TBC1D9: variants seen among roughly 807,000 people sequenced by gnomAD.
The protein encoded by TBC1D9 is TBC1 domain family member 9.
A neutral mutation model predicts 132.0 loss-of-function variants in TBC1D9; 63 were observed. The ratio of observed to expected loss-of-function variants is 0.48; its 90% confidence interval spans 0.39 to 0.59. The LOEUF (loss-of-function observed/expected upper bound fraction) is 0.59, where lower values mean the gene tolerates loss of function less well. TBC1D9 is among the 20% of genes least tolerant of loss of function. The probability of loss-of-function intolerance (pLI) is 0.00; values close to 1 mark genes in which losing one functional copy is unlikely to be tolerated. For synonymous variants in TBC1D9, 610 were observed against 609.9 expected (o/e 1.00, Z 0.00); for missense variants, 1,261 against 1,592.7 (o/e 0.79, Z 3.54).
intron 1 of TBC1D9, among the ~76,000 whole-genome samples, chr4:140,733,306 T>A (rs1441998319): frequency 2.0e-5 from 3 of 152,178 alleles, no homozygotes; most frequent in South Asian, 2.1e-4. Context: ...GATTTTTTTT[T>A]AAATGCCAAG....
intron 13 of TBC1D9, among the ~76,000 whole-genome samples, chr4:140,653,764 G>T (rs1372166326): frequency 2.0e-5 from 3 of 152,108 alleles, no homozygotes; most frequent in Non-Finnish European, 4.4e-5. Context: ...TAGTTATCAC[G>T]CACTGAAAGA....
chr4:140,622,156 CCCTCCCTCT>C lies in TBC1D9; in HGVS notation c.*30_*38del, dbSNP rs779902849. 4 of 1,514,082 alleles carry C rather than the reference CCCTCCCTCT, an allele frequency of 2.6e-6. No homozygotes were observed. In the Admixed American group the frequency reaches 8.4e-5, roughly 32 times the overall value. 93.8% of individuals were successfully genotyped at this position (1,514,082 alleles called of 1,614,324 possible). A position where few individuals can be genotyped will look rare whatever the true frequency, so the allele number is the denominator to read the frequency against. On this transcript the variant is annotated 3_prime_UTR_variant, in exon 21 of 21. Coordinates refer to ENST00000442267, the MANE Select transcript of TBC1D9 (RefSeq NM_015130.3). The stretch of plus-strand genomic sequence containing the variant: ...CACAGAAGAACATAAAAAATCCCTC[CCCTCCCTCT>C]CCTCCCACTCCCCCGGGAAGGCGCC...
At chr4:140,704,634 T>G (rs1308709083) in intron 1 of TBC1D9, among the ~76,000 whole-genome samples, 1 of 152,064 alleles carries the variant, frequency 6.6e-6, no homozygotes, top group Admixed American at 6.5e-5. Flanking sequence ...CTCAGTTTTA[T>G]CATCCTTAAT....
intron 13 of TBC1D9, among the ~76,000 whole-genome samples, chr4:140,651,644 G>A (rs1341517704): frequency 2.0e-5 from 3 of 152,112 alleles, no homozygotes; most frequent in Non-Finnish European, 4.4e-5. Flanking sequence ...CACCTTATCT[G>A]TTAGAGACAC....
At chr4:140,697,537 T>C (rs1452252228) in intron 2 of TBC1D9, among the ~76,000 whole-genome samples, 2 of 152,230 alleles carry the variant, frequency 1.3e-5, no homozygotes, top group Non-Finnish European at 2.9e-5. Flanking sequence ...TCTGGGTTTA[T>C]TATAATGAAA....
intron 2 of TBC1D9, among the ~76,000 whole-genome samples, chr4:140,691,831 C>T (rs561632983): frequency 1.2e-4 from 18 of 152,278 alleles, no homozygotes; most frequent in African/African-American, 3.4e-4. Context: ...ATGAAAAATA[C>T]GAAATCATCC....
chr4:140,633,990 C>T lies in TBC1D9; in HGVS notation c.2704G>A (p.Gly902Arg), dbSNP rs1736836821. 1.2e-6 allele frequency: 2 copies of T among 1,613,988 alleles called. No individual in the cohort carries two copies. Among genetic ancestry groups the T allele is most frequent in the Non-Finnish European group, 8.5e-7 (1 of 1,179,894 alleles). The change falls in exon 16 of 21, where the codon GGA becomes AGA. Residue 902 changes from glycine (G) to arginine (R), a missense_variant. By Grantham distance (125) the Gly-to-Arg change is moderately radical (BLOSUM62 -2). Around this residue, in one of 3 missense-constraint regions of TBC1D9, gnomAD observed 618 missense variants for 724.4 expected, o/e 0.85. Transcript: ENST00000442267. ...TCCCGGAAGTTAATCAAAGAGTCTC[C>T]ATTTTCATCTAATAACTGGAACAAG... The part of the protein sequence containing the change: ...SRLFQLLDEN[G>R]DSLINFREFV...
At position 140,679,083 on chromosome 4, in the gene TBC1D9, T is replaced by C; in HGVS notation, c.710A>G (p.Asn237Ser). Residue 237 changes from asparagine (N) to serine (S), a missense_variant, in exon 5 of 21, where the codon AAC becomes AGC. Asn to Ser is a conservative substitution (Grantham distance 46). This residue lies in a region of TBC1D9 where 550 missense variants were observed against 699.0 expected (regional missense o/e 0.79). Transcript: ENST00000442267. ...SSEHFFSVFL[N>S]INETFKLMEQ... The stretch of plus-strand genomic sequence containing the variant: ...CATTAACTTGAAGGTCTCGTTGATG[T>C]TGAGGAATACAGAGAAGAAATGCTC... The C allele has an allele frequency of 6.2e-7, 1 of 1,613,952 alleles. No individual in the cohort carries two copies. Among genetic ancestry groups the C allele is most frequent in the East Asian group, 2.2e-5 (1 of 44,886 alleles).
At chr4:140,662,955 G>A (rs1737387514) in intron 9 of TBC1D9, among the ~76,000 whole-genome samples, 1 of 152,110 alleles carries the variant, frequency 6.6e-6, no homozygotes, top group Admixed American at 6.5e-5. Flanking sequence ...AAAACTAGTA[G>A]AAGAAAATAT....
Position 140,659,708 on chromosome 4 carries a change from A to C in TBC1D9, c.1804-3T>G. 1 of 1,581,872 alleles carries C rather than the reference A, an allele frequency of 6.3e-7. No homozygotes were observed. Reference sequence around the variant, plus strand: ...ACTGAAGTGACAATATTCATGGCCTAAAAAAGTGAAAGAGGATGTCATCAA... The same window carrying C: ...ACTGAAGTGACAATATTCATGGCCTCAAAAAGTGAAAGAGGATGTCATCAA... On this transcript the variant is annotated splice_region_variant and splice_polypyrimidine_tract_variant and intron_variant, in intron 10 of 20. Coordinates refer to ENST00000442267, the MANE Select transcript of TBC1D9 (RefSeq NM_015130.3).
intron 1 of TBC1D9, 52 bp downstream of exon 1, chr4:140,755,864 G>C: frequency 6.7e-7 from 1 of 1,488,254 alleles, no homozygotes; most frequent in Non-Finnish European, 8.9e-7. Context: ...GCCGCGGGCG[G>C]CGCCGCAGCG....
At chr4:140,668,888 C>A in intron 9 of TBC1D9, 29 bp downstream of exon 9, 2 of 1,610,308 alleles carry the variant, frequency 1.2e-6, no homozygotes, top group African/African-American at 1.3e-5. Flanking sequence ...CAGACTTTGA[C>A]GCCAGCATTC....
chr4:140,680,075 A>C (rs538572168), intron 3 of TBC1D9, among the ~76,000 whole-genome samples: 2 of 152,308 alleles, frequency 1.3e-5, no homozygotes, highest in Admixed American at 6.5e-5. Context: ...TATTTTGTTA[A>C]GTTTACTAGG....
intron 1 of TBC1D9, among the ~76,000 whole-genome samples, chr4:140,722,130 G>A (rs530690056): frequency 2.8e-4 from 42 of 152,248 alleles, no homozygotes; most frequent in African/African-American, 9.9e-4. Context: ...GGAGCCTATG[G>A]GGGGTGAGAA....
At chr4:140,677,486 C>T (rs1177325894) in intron 5 of TBC1D9, among the ~76,000 whole-genome samples, 1 of 152,134 alleles carries the variant, frequency 6.6e-6, no homozygotes, top group Non-Finnish European at 1.5e-5. Flanking sequence ...AATGAGAATG[C>T]AAACCAGCCA....
At chr4:140,631,159 T>TAA (rs1287958629) in intron 16 of TBC1D9, among the ~76,000 whole-genome samples, 6 of 152,244 alleles carry the variant, frequency 3.9e-5, no homozygotes, top group African/African-American at 7.2e-5. Context: ...TTATAAACTC[T>TAA]AAGTTTCAGC....
intron 1 of TBC1D9, among the ~76,000 whole-genome samples, chr4:140,748,555 A>C (rs1289924207): frequency 6.6e-6 from 1 of 152,238 alleles, no homozygotes; most frequent in Non-Finnish European, 1.5e-5. Context: ...ACTGCAGAAG[A>C]CCAAAGTCAA....
At chr4:140,693,865 T>C (rs1737912128) in intron 2 of TBC1D9, among the ~76,000 whole-genome samples, 1 of 152,164 alleles carries the variant, frequency 6.6e-6, no homozygotes, top group African/African-American at 2.4e-5. Flanking sequence ...CTCTTATGGG[T>C]CATAATAATA....
At chr4:140,624,014 T>C in intron 20 of TBC1D9, 102 bp downstream of exon 20, 1 of 916,422 alleles carries the variant, frequency 1.1e-6, no homozygotes, top group Non-Finnish European at 1.6e-6. Flanking sequence ...CCCCAGTTAT[T>C]ATTTTTGATG....
Sources: gnomAD v4.1 joint callset for allele counts (sites outside exome capture counted in the v4.1 genomes callset) on GRCh38, gnomAD v4.1.1 for gene constraint, gnomAD v4.1.1 regional missense constraint, MANE v1.5 for transcripts, NCBI Gene and HGNC (gene_info 2026-07-23, HGNC 2026-07-21) for gene names.